Variants in TRHDE observed in about 807,000 individuals in gnomAD.
TRHDE encodes the protein thyrotropin-releasing hormone-degrading ectoenzyme.
Under a neutral mutation model 125.7 loss-of-function variants are expected in TRHDE, and 72 were observed. That is an observed-to-expected ratio of 0.57 (90% CI 0.47 to 0.70). TRHDE has a LOEUF of 0.70. Among genes scored for constraint, TRHDE ranks in the 30% least tolerant of loss-of-function variants. The probability of loss-of-function intolerance (pLI) is 0.00; values close to 1 mark genes in which losing one functional copy is unlikely to be tolerated. For missense variants in TRHDE, 1,110 were observed against 1,327.1 expected (o/e 0.84, Z 2.54); for synonymous variants, 509 against 509.1 (o/e 1.00, Z 0.00).
intron 2 of TRHDE, among the ~76,000 whole-genome samples, chr12:72,151,160 C>G (rs1247744097): frequency 3.9e-5 from 6 of 152,162 alleles, no homozygotes; most frequent in Admixed American, 6.5e-5. Context: ...TGATGGTGAG[C>G]ATTTTTTCAT....
chr12:72,565,672 T>G (rs1254782526), intron 9 of TRHDE, among the ~76,000 whole-genome samples: 1 of 152,146 alleles, frequency 6.6e-6, no homozygotes, highest in East Asian at 1.9e-4. Flanking sequence ...ATCTGAACAG[T>G]TTTTCACAAA....
chr12:72,514,281 G>A (rs79072587), intron 6 of TRHDE, among the ~76,000 whole-genome samples: 1,617 of 152,224 alleles, frequency 0.011, 26 homozygotes, highest in African/African-American at 0.037. Context: ...AAACAATTAA[G>A]AGAAGAATCA....
chr12:72,462,155 G>A (rs1876153299), intron 3 of TRHDE, among the ~76,000 whole-genome samples: 1 of 152,200 alleles, frequency 6.6e-6, no homozygotes, highest in Admixed American at 6.5e-5. Flanking sequence ...AACTTGGATT[G>A]TGATTGAGAT....
At chr12:72,260,583 T>C (rs922281708) in intron 2 of TRHDE, among the ~76,000 whole-genome samples, 2 of 152,098 alleles carry the variant, frequency 1.3e-5, no homozygotes, top group African/African-American at 4.8e-5. Context: ...AACAAGAGTT[T>C]ATTGAGACTC....
At chr12:72,112,001 A>C (rs1875327103) in intron 2 of TRHDE, among the ~76,000 whole-genome samples, 1 of 152,112 alleles carries the variant, frequency 6.6e-6, no homozygotes, top group South Asian at 2.1e-4. Context: ...AAAGAAAAAA[A>C]ATTAAGAAAA....
At chr12:72,321,682 G>GT (rs1265349046) in intron 2 of TRHDE, among the ~76,000 whole-genome samples, 1 of 152,028 alleles carries the variant, frequency 6.6e-6, no homozygotes, top group Non-Finnish European at 1.5e-5. Context: ...ATTCAGTTTT[G>GT]TTTCTAAAAG....
intron 10 of TRHDE, 63 bp downstream of exon 10, chr12:72,568,719 C>T: frequency 8.7e-7 from 1 of 1,153,040 alleles, no homozygotes; most frequent in Non-Finnish European, 1.3e-6. Flanking sequence ...GCAACTTAAC[C>T]TCTGGTTTCA....
intron 7 of TRHDE, among the ~76,000 whole-genome samples, chr12:72,547,871 A>G (rs1869495172): frequency 6.6e-6 from 1 of 151,886 alleles, no homozygotes. Flanking sequence ...TCTCTTGCAC[A>G]GAAGCTCAAG....
chr12:72,284,047 A>T (rs780361644), intron 1 of TRHDE, among the ~76,000 whole-genome samples: 2 of 152,102 alleles, frequency 1.3e-5, no homozygotes, highest in Non-Finnish European at 2.9e-5. Flanking sequence ...CAAAATCTAA[A>T]ATGTTACAAA....
At chr12:72,271,354 C>A (rs571082469), upstream of TRHDE, among the ~76,000 whole-genome samples, 14 of 152,324 alleles carry the variant, frequency 9.2e-5, no homozygotes, top group African/African-American at 3.1e-4. Context: ...ACAGCCACAT[C>A]TCCCTAGCAG....
intron 12 of TRHDE, among the ~76,000 whole-genome samples, chr12:72,616,985 G>A (rs767886892): frequency 2.0e-5 from 3 of 152,066 alleles, no homozygotes; most frequent in African/African-American, 4.8e-5. Flanking sequence ...ATAAAAAATT[G>A]TATTACTTTT....
chr12:72,643,815 G>GTCTT, intron 15 of TRHDE, among the ~76,000 whole-genome samples: 1 of 152,082 alleles, frequency 6.6e-6, no homozygotes, highest in Admixed American at 6.5e-5. Flanking sequence ...CAGAAATCCA[G>GTCTT]TCTTTCCAAC....
In TRHDE at chr12:72,639,845, A is replaced by T. The variant is rs543726336; in HGVS notation, c.2676-12477A>T. Among the ~76,000 whole-genome samples the T allele has an allele frequency of 1.3e-4, 20 of 152,266 alleles. 1 individual carries two copies. In the South Asian group the frequency reaches 4.1e-3, roughly 32 times the overall value. ...TCAGCAGTCAGGGACCCACTTGAGG[A>T]GGCAGTCTGCCCGTTCTCAGATCTC... On this transcript the variant is annotated intron_variant, in intron 15 of 18. Transcript: ENST00000261180.
At chr12:72,378,197 C>T in intron 3 of TRHDE, 76 bp downstream of exon 3, 1 of 1,288,494 alleles carries the variant, frequency 7.8e-7, no homozygotes, top group Non-Finnish European at 1.0e-6. Flanking sequence ...TTATTTGAGC[C>T]ATCCAGAAGC....
chr12:72,445,055 G>C (rs1464971898), intron 3 of TRHDE, among the ~76,000 whole-genome samples: 1 of 151,726 alleles, frequency 6.6e-6, no homozygotes, highest in Non-Finnish European at 1.5e-5. Flanking sequence ...TCTCCAGATA[G>C]CTTCTAAGAC....
At position 72,261,514 on chromosome 12, in the gene TRHDE, T is replaced by C. The variant is rs546458924; in HGVS notation, n.280-116481T>C. On this transcript the variant is annotated intron_variant and non_coding_transcript_variant, in intron 2 of 4. Coordinates refer to the TRHDE transcript ENST00000548156. Reference sequence around the variant, plus strand: ...AATGCTATCTGTGATATTTACCTACTGCAGAATTTTGGCTTTTGAAAATGG... The same window carrying C: ...AATGCTATCTGTGATATTTACCTACCGCAGAATTTTGGCTTTTGAAAATGG... Among the ~76,000 whole-genome samples, 196 of 152,314 alleles carry C rather than the reference T, an allele frequency of 1.3e-3. 3 individuals carry two copies. The highest frequency in any genetic ancestry group is 4.0e-3 in the Admixed American group (61 of 15,280).
intron 12 of TRHDE, among the ~76,000 whole-genome samples, chr12:72,581,968 G>T (rs1398369443): frequency 6.6e-6 from 1 of 151,886 alleles, no homozygotes; most frequent in Non-Finnish European, 1.5e-5. Flanking sequence ...CGGGCAAGGT[G>T]GCAGGCGCCT....
intron 3 of TRHDE, among the ~76,000 whole-genome samples, chr12:72,443,665 T>A (rs1875132008): frequency 6.6e-6 from 1 of 151,810 alleles, no homozygotes; most frequent in South Asian, 2.1e-4. Context: ...TATATTATAA[T>A]GTATTGTGAC....
chr12:72,317,513 A>G (rs866312387), intron 2 of TRHDE, among the ~76,000 whole-genome samples: 2 of 152,166 alleles, frequency 1.3e-5, no homozygotes, highest in Middle Eastern at 3.2e-3. Flanking sequence ...TGCTTCCAAG[A>G]TGGTGCTTTG....
Sources: gnomAD v4.1 joint callset for allele counts (sites outside exome capture counted in the v4.1 genomes callset) on GRCh38, gnomAD v4.1.1 for gene constraint, MANE v1.5 for transcripts, NCBI Gene and HGNC (gene_info 2026-07-23, HGNC 2026-07-21) for gene names.